EAPP: variants seen among roughly 807,000 people sequenced by gnomAD.
EAPP encodes E2F associated phosphoprotein.
Under a neutral mutation model 34.3 loss-of-function variants are expected in EAPP, and 38 were observed. The observed-to-expected ratio is 1.11, with a 90% CI of 0.85 to 1.45. The LOEUF (loss-of-function observed/expected upper bound fraction) is 1.45, where lower values mean the gene tolerates loss of function less well. Among genes scored for constraint, EAPP ranks in the 40% most tolerant of loss-of-function variants. The probability of loss-of-function intolerance (pLI) is 0.00; values close to 1 mark genes in which losing one functional copy is unlikely to be tolerated. For missense variants in EAPP, 338 were observed against 343.7 expected, an observed-to-expected ratio of 0.98 and a Z score of 0.13; for synonymous variants, 113 against 117.6, an observed-to-expected ratio of 0.96 and a Z score of 0.25.
intron 2 of EAPP, among the ~76,000 whole-genome samples, chr14:34,535,276 C>T (rs1306283411): frequency 8.6e-5 from 13 of 151,566 alleles, no homozygotes; most frequent in East Asian, 2.0e-4. Flanking sequence ...ACTGCAGGCA[C>T]GTGCCACCAC....
chr14:34,530,753 T>G (rs1176012538), intron 3 of EAPP, among the ~76,000 whole-genome samples: 1 of 150,730 alleles, frequency 6.6e-6, no homozygotes, highest in African/African-American at 2.4e-5. Flanking sequence ...GCTACTAAAA[T>G]TAGAACAAAA....
At position 34,516,129 on chromosome 14, in the gene EAPP, GAA is replaced by G; in HGVS notation, c.*179_*180del. On this transcript the variant is annotated 3_prime_UTR_variant, in exon 6 of 6. Coordinates refer to ENST00000250454, the MANE Select transcript of EAPP (RefSeq NM_018453.4). ...CCCATCAATAAGGGGGAAAATCAAAGAAAAAAAAAAGGAGAGGGTGAGAGATG... is the reference window on the plus strand; with the variant it reads ...CCCATCAATAAGGGGGAAAATCAAAGAAAAAAAAGGAGAGGGTGAGAGATG... 8.5e-6 allele frequency: 4 copies of G among 468,466 alleles called. No individual in the cohort carries two copies. Among genetic ancestry groups the G allele is most frequent in the Middle Eastern group, 5.8e-4 (1 of 1,730 alleles). The allele number at this position is 468,466 out of a possible 1,614,324, so 29.0% of individuals were successfully genotyped here. A position where few individuals can be genotyped will look rare whatever the true frequency, so the allele number is the denominator to read the frequency against.
intron 5 of EAPP, among the ~76,000 whole-genome samples, chr14:34,519,171 C>T (rs1327877274): frequency 6.6e-6 from 1 of 152,116 alleles, no homozygotes; most frequent in South Asian, 2.1e-4. Flanking sequence ...TGTGGCACCT[C>T]CCCTCTCTCT....
chr14:34,524,657 ATG>A (rs367795110), intron 5 of EAPP, 38 bp downstream of exon 5: 5,579 of 846,698 alleles, frequency 6.6e-3, no homozygotes, highest in South Asian at 7.1e-3. Flanking sequence ...CAAAATATGT[ATG>A]TGTGTGTGTG....
chr14:34,528,415 CT>C (rs1180289298), intron 4 of EAPP, among the ~76,000 whole-genome samples: 58 of 54,044 alleles, frequency 1.1e-3, no homozygotes, highest in South Asian at 3.5e-3. Flanking sequence ...CCACAAAACC[CT>C]TTTTTTTTTT....
rs962494076 is a variant in EAPP, at chr14:34,536,598, G to A, written c.75-323C>T. On this transcript the variant is annotated intron_variant, in intron 1 of 5. Coordinates refer to ENST00000250454, the MANE Select transcript of EAPP (RefSeq NM_018453.4). ...TCCCACCTCGGGTTCCCCAGTAGCT[G>A]GAACTACAGGCACATACCACCATTC... Among the ~76,000 whole-genome samples the A allele has an allele frequency of 2.0e-5, 3 of 151,418 alleles. No homozygotes were observed. In the Admixed American group the frequency reaches 2.0e-4, roughly 10 times the overall value.
At chr14:34,529,536 AT>A in intron 3 of EAPP, 61 bp from the exon 4 acceptor site, 1 of 1,182,240 alleles carries the variant, frequency 8.5e-7, no homozygotes, top group Non-Finnish European at 1.2e-6. Flanking sequence ...ACTTCTTTAA[AT>A]GAAGAGTCTC....
intron 4 of EAPP, among the ~76,000 whole-genome samples, chr14:34,526,753 A>G (rs971488955): frequency 1.2e-4 from 18 of 151,472 alleles, no homozygotes; most frequent in Non-Finnish European, 2.1e-4. Context: ...CAAAAAAAAC[A>G]AGCATGGACT....
chr14:34,528,002 A>G (rs1429257310), intron 4 of EAPP, among the ~76,000 whole-genome samples: 2 of 151,856 alleles, frequency 1.3e-5, no homozygotes, highest in African/African-American at 4.8e-5. Flanking sequence ...CTTGCAGAGC[A>G]GGGCTACTCC....
At chr14:34,528,474 T>G (rs1418992176) in intron 4 of EAPP, among the ~76,000 whole-genome samples, 1 of 127,986 alleles carries the variant, frequency 7.8e-6, no homozygotes, top group Admixed American at 1.0e-4. Flanking sequence ...CAGGCTGGAG[T>G]GGAGTGGCGT....
chr14:34,522,048 T>G (rs1212993350), intron 5 of EAPP, among the ~76,000 whole-genome samples: 2 of 152,130 alleles, frequency 1.3e-5, no homozygotes, highest in Non-Finnish European at 2.9e-5. Flanking sequence ...AGCCTCGACT[T>G]CCAGGGCTCA....
chr14:34,528,705 G>A (rs1458463159), intron 4 of EAPP, among the ~76,000 whole-genome samples: 5 of 151,056 alleles, frequency 3.3e-5, no homozygotes, highest in African/African-American at 7.3e-5. Flanking sequence ...ACAGGTATAA[G>A]CCACCACCCT....
chr14:34,524,801 A>G lies in EAPP; in HGVS notation c.477T>C (p.His159=), dbSNP rs1880043007. ...GACGTGATCTCTGTGGTCCCAAACC[A>G]TGGTAACTAGAACAGAAGAAGAAAG... ...AWVDAQRRGY[H]GLGPQRSRQQ... The change falls in exon 5 of 6, where the codon CAT becomes CAC. Residue 159 remains histidine (H), a synonymous_variant. Coordinates refer to ENST00000250454, the MANE Select transcript of EAPP (RefSeq NM_018453.4). The G allele has an allele frequency of 5.0e-6, 8 of 1,612,798 alleles. No individual in the cohort carries two copies. The highest frequency in any genetic ancestry group is 5.1e-6 in the Non-Finnish European group (6 of 1,179,130).
chr14:34,539,531 G>T (rs1880592013), intron 1 of EAPP, 24 bp downstream of exon 1: 2 of 1,603,378 alleles, frequency 1.2e-6, no homozygotes, highest in African/African-American at 2.7e-5. Context: ...AATCCTCGGG[G>T]GCCAGGGTGG....
At chr14:34,539,367 T>C (rs1374081566) in intron 1 of EAPP, 188 bp downstream of exon 1, 2 of 711,388 alleles carry the variant, frequency 2.8e-6, no homozygotes, top group Non-Finnish European at 5.1e-6. Context: ...ACAGGCGACA[T>C]CGGCACCGCC....
intron 3 of EAPP, among the ~76,000 whole-genome samples, chr14:34,531,187 C>T (rs765356546): frequency 8.5e-5 from 13 of 152,072 alleles, no homozygotes; most frequent in Admixed American, 3.3e-4. Flanking sequence ...TGCCTGTAGT[C>T]CCAACTACCA....
In EAPP at chr14:34,516,401, G is replaced by A. The variant is rs781189446; in HGVS notation, c.767C>T (p.Pro256Leu). 1.9e-6 allele frequency: 3 copies of A among 1,614,174 alleles called. No homozygotes were observed. The highest frequency in any genetic ancestry group is 1.7e-4 in the Middle Eastern group (1 of 6,060). The change falls in exon 6 of 6, where the codon CCA (proline) becomes CTA (leucine). Residue 256 changes from proline (P) to leucine (L), a missense_variant. Pro to Leu is a moderately conservative substitution (Grantham distance 98, BLOSUM62 -3). Transcript: ENST00000250454. ...AETDVEEIYHPVMCTECSTEV... is the reference protein window; with the variant it reads ...AETDVEEIYHLVMCTECSTEV... ...AGTGGAACATTCAGTGCACATGACT[G>A]GGTGATAGATTTCTTCCACATCTGT...
intron 4 of EAPP, among the ~76,000 whole-genome samples, chr14:34,527,567 G>C (rs1352533421): frequency 6.6e-6 from 1 of 152,178 alleles, no homozygotes. Flanking sequence ...CCATCCCTCA[G>C]TGGATGAAAG....
chr14:34,533,350 A>T, intron 3 of EAPP, 94 bp downstream of exon 3: 1 of 1,094,450 alleles, frequency 9.1e-7, no homozygotes, highest in Non-Finnish European at 1.4e-6. Context: ...TTCTTAAAAG[A>T]CCAAACTCAG....
Sources: allele counts gnomAD v4.1 joint callset (sites outside exome capture counted in the v4.1 genomes callset), GRCh38; gene constraint gnomAD v4.1.1; transcripts MANE v1.5; gene names NCBI Gene and HGNC (gene_info 2026-07-23, HGNC 2026-07-21).